The following BRINP3 variants were observed in gnomAD, a reference collection of about 807,000 sequenced individuals.
BRINP3 encodes BMP/retinoic acid inducible neural specific 3, also known as BMP/retinoic acid-inducible neural-specific protein 3.
A neutral mutation model predicts 71.0 loss-of-function variants in BRINP3; 19 were observed. The observed-to-expected ratio is 0.27, with a 90% CI of 0.19 to 0.39. BRINP3 has a LOEUF of 0.39. Among genes scored for constraint, BRINP3 ranks in the 10% least tolerant of loss-of-function variants. The pLI, the probability that BRINP3 is intolerant of heterozygous loss-of-function variation, is 1.00. For synonymous variants in BRINP3, 380 were observed against 337.7 expected, an observed-to-expected ratio of 1.13 and a Z score of -1.37; for missense variants, 959 against 940.8, an observed-to-expected ratio of 1.02 and a Z score of -0.25.
intron 6 of BRINP3, among the ~76,000 whole-genome samples, chr1:190,191,173 T>C (rs889277847): frequency 2.6e-5 from 4 of 152,156 alleles, no homozygotes; most frequent in African/African-American, 9.6e-5. Flanking sequence ...ATAACAATGA[T>C]TCTCTTCTCA....
At chr1:190,238,250 C>T (rs935612427) in intron 4 of BRINP3, among the ~76,000 whole-genome samples, 10 of 151,828 alleles carry the variant, frequency 6.6e-5, no homozygotes, top group African/African-American at 2.4e-4. Flanking sequence ...CTATATTTGG[C>T]TCGTATTCAA....
rs553600107 is a variant in BRINP3, at chr1:190,414,579, C to G, written c.236+40076G>C. Among the ~76,000 whole-genome samples the G allele has an allele frequency of 3.9e-5, 6 of 152,278 alleles. 1 individual carries two copies. In the East Asian group the frequency reaches 1.2e-3, roughly 29 times the overall value. Reference sequence around the variant, plus strand: ...AGGGCATTAGATTAGCATAAGGTATCTGTTGGGCCAATATTCTAGGAAAAT... The same window carrying G: ...AGGGCATTAGATTAGCATAAGGTATGTGTTGGGCCAATATTCTAGGAAAAT... On this transcript the variant is annotated intron_variant, in intron 2 of 7. Transcript: ENST00000367462.
At chr1:190,447,276 C>T (rs1450284315) in intron 2 of BRINP3, among the ~76,000 whole-genome samples, 1 of 134,438 alleles carries the variant, frequency 7.4e-6, no homozygotes, top group Non-Finnish European at 1.6e-5. Flanking sequence ...CAGACTATTA[C>T]CCTATATATA....
At chr1:190,267,473 A>T (rs1355333311) in intron 3 of BRINP3, among the ~76,000 whole-genome samples, 1 of 152,118 alleles carries the variant, frequency 6.6e-6, no homozygotes, top group South Asian at 2.1e-4. Flanking sequence ...CAGCTAAAGC[A>T]CTGCTGAGAG....
At chr1:190,206,507 A>C (rs952592349) in intron 6 of BRINP3, among the ~76,000 whole-genome samples, 6 of 152,182 alleles carry the variant, frequency 3.9e-5, no homozygotes, top group Non-Finnish European at 8.8e-5. Flanking sequence ...TGTATGATAA[A>C]AAAAGAGGGA....
chr1:190,327,334 A>AAAAAAAAAAAAAAAAAAAG (rs1666660462), intron 2 of BRINP3, among the ~76,000 whole-genome samples: 1 of 104,408 alleles, frequency 9.6e-6, no homozygotes, highest in Non-Finnish European at 1.8e-5. Flanking sequence ...AACAAAAAAA[A>AAAAAAAAAAAAAAAAAAAG]AAAAAAAAAA....
At chr1:190,391,071 G>T (rs1261738168) in intron 2 of BRINP3, among the ~76,000 whole-genome samples, 1 of 151,834 alleles carries the variant, frequency 6.6e-6, no homozygotes, top group Non-Finnish European at 1.5e-5. Context: ...CTTCATGCCA[G>T]TTATGGGGAG....
intron 6 of BRINP3, among the ~76,000 whole-genome samples, chr1:190,162,300 C>T (rs1651067915): frequency 6.6e-6 from 1 of 151,654 alleles, no homozygotes; most frequent in Non-Finnish European, 1.5e-5. Context: ...TCTCCTGCCT[C>T]AGCCTCCCGA....
intron 6 of BRINP3, among the ~76,000 whole-genome samples, chr1:190,191,760 A>C (rs1253435692): frequency 6.6e-6 from 1 of 152,076 alleles, no homozygotes; most frequent in Non-Finnish European, 1.5e-5. Flanking sequence ...TTGCAAATGA[A>C]GTAAAGTTTG....
intron 2 of BRINP3, among the ~76,000 whole-genome samples, chr1:190,325,761 G>T (rs1666539520): frequency 1.3e-5 from 2 of 152,012 alleles, no homozygotes; most frequent in African/African-American, 4.8e-5. Flanking sequence ...TTTGTCATTT[G>T]CACTGCCCTT....
intron 4 of BRINP3, among the ~76,000 whole-genome samples, chr1:190,242,974 A>G (rs1248000241): frequency 6.6e-6 from 1 of 152,116 alleles, no homozygotes. Flanking sequence ...CACGACTACA[A>G]TGATTGGTCT....
intron 2 of BRINP3, among the ~76,000 whole-genome samples, chr1:190,430,189 GA>G (rs1324057205): frequency 6.6e-6 from 1 of 152,070 alleles, no homozygotes; most frequent in Non-Finnish European, 1.5e-5. Context: ...GTGAATCAGA[GA>G]AAAAACATTT....
chr1:190,273,554 A>C (rs1662296401), intron 3 of BRINP3, among the ~76,000 whole-genome samples: 1 of 151,588 alleles, frequency 6.6e-6, no homozygotes. Context: ...AGAAAATGGG[A>C]AACAGGGGAC....
At chr1:190,462,454 A>C (rs1676458945) in intron 1 of BRINP3, among the ~76,000 whole-genome samples, 1 of 152,124 alleles carries the variant, frequency 6.6e-6, no homozygotes, top group Non-Finnish European at 1.5e-5. Context: ...TGAGGAGCAC[A>C]ATGAGAATTT....
chr1:190,471,152 A>C (rs941325817), intron 1 of BRINP3, among the ~76,000 whole-genome samples: 1 of 151,170 alleles, frequency 6.6e-6, no homozygotes, highest in African/African-American at 2.4e-5. Flanking sequence ...CTTTGTGAGG[A>C]TATTTCATAA....
intron 1 of BRINP3, among the ~76,000 whole-genome samples, chr1:190,473,608 C>A (rs371392945): frequency 5.1e-5 from 7 of 138,414 alleles, no homozygotes; most frequent in African/African-American, 1.9e-4. Context: ...CAAAAAATAA[C>A]AAAACAATAT....
chr1:190,436,726 A>T (rs1674481616), intron 2 of BRINP3, among the ~76,000 whole-genome samples: 1 of 151,832 alleles, frequency 6.6e-6, no homozygotes, highest in Non-Finnish European at 1.5e-5. Context: ...TCAAGCAAAT[A>T]GAATCATGAG....
chr1:190,130,493 T>G (rs1654449704), intron 7 of BRINP3, among the ~76,000 whole-genome samples: 1 of 152,072 alleles, frequency 6.6e-6, no homozygotes. Context: ...ATGAAGGTCC[T>G]GGGCAGAACA....
chr1:190,439,412 T>G (rs1002306084), intron 2 of BRINP3, among the ~76,000 whole-genome samples: 1 of 151,950 alleles, frequency 6.6e-6, no homozygotes, highest in Non-Finnish European at 1.5e-5. Flanking sequence ...AAGCGTGGCA[T>G]AAGACTATTT....
Sources: allele counts gnomAD v4.1 joint callset (sites outside exome capture counted in the v4.1 genomes callset), GRCh38; gene constraint gnomAD v4.1.1; transcripts MANE v1.5; gene names NCBI Gene and HGNC (gene_info 2026-07-23, HGNC 2026-07-21).